Variants in PRMT8 observed in about 807,000 individuals in gnomAD.
The protein encoded by PRMT8 is protein arginine methyltransferase 8.
PRMT8 carries 7 observed loss-of-function variants against 47.1 expected under a neutral mutation model. The observed-to-expected ratio is 0.15, with a 90% confidence interval of 0.08 to 0.28. The LOEUF (loss-of-function observed/expected upper bound fraction) is 0.28. Ranked by LOEUF, PRMT8 falls within the 10% of genes least tolerant of loss-of-function variation. The pLI, the probability that PRMT8 is intolerant of heterozygous loss-of-function variation, is 1.00. For missense variants in PRMT8, 237 were observed against 505.4 expected (o/e 0.47, Z 5.09); for synonymous variants, 188 against 186.5 (o/e 1.01, Z -0.07).
At chr12:3,437,634 AT>A (rs1864758769) in intron 1 of PRMT8, among the ~76,000 whole-genome samples, 11 of 150,052 alleles carry the variant, frequency 7.3e-5, no homozygotes, top group Non-Finnish European at 1.0e-4. Flanking sequence ...ATATATATAT[AT>A]ATATATATAT....
At chr12:3,559,964 C>T (rs2137191950) in intron 4 of PRMT8, among the ~76,000 whole-genome samples, 1 of 152,304 alleles carries the variant, frequency 6.6e-6, no homozygotes, top group East Asian at 1.9e-4. Flanking sequence ...AGAGTGCAAA[C>T]CTTTGTCCCC....
intron 1 of PRMT8, among the ~76,000 whole-genome samples, chr12:3,389,370 C>T (rs1042674335): frequency 2.6e-5 from 4 of 152,158 alleles, no homozygotes; most frequent in East Asian, 1.9e-4. Context: ...GTTACATTCT[C>T]GTCCAGCCCT....
At chr12:3,471,021 C>T (rs1865156248) in intron 1 of PRMT8, among the ~76,000 whole-genome samples, 1 of 152,176 alleles carries the variant, frequency 6.6e-6, no homozygotes, top group African/African-American at 2.4e-5. Context: ...GAGATGGTGA[C>T]ACGTGTCTAA....
rs1321883141 is a variant in PRMT8, at chr12:3,580,004, CTG to C, written c.828+3019_828+3020del. ...GCTGGGCTCTGGGGAGTCAGGGTAA[CTG>C]GGGCTGATTTGGTTGGGGGTTGGGG... On this transcript the variant is annotated intron_variant, in intron 7 of 9. Transcript: ENST00000382622. The surrounding 1 kb of genome is among the most constrained non-coding windows in gnomAD (Gnocchi z 4.6). Among the ~76,000 whole-genome samples the C allele has an allele frequency of 6.6e-6, 1 of 152,006 alleles. No individual in the cohort carries two copies. Among genetic ancestry groups the C allele is most frequent in the Non-Finnish European group, 1.5e-5 (1 of 67,996 alleles).
At chr12:3,452,352 C>T (rs757350715) in intron 1 of PRMT8, among the ~76,000 whole-genome samples, 8 of 152,048 alleles carry the variant, frequency 5.3e-5, no homozygotes, top group Non-Finnish European at 4.4e-5. Flanking sequence ...CACACACACC[C>T]CACAAGGAGA....
chr12:3,417,446 C>T (rs1370340780), intron 1 of PRMT8, among the ~76,000 whole-genome samples: 1 of 152,160 alleles, frequency 6.6e-6, no homozygotes, highest in African/African-American at 2.4e-5. Flanking sequence ...GTCCAGCTCT[C>T]ATGTTATTCA....
intron 1 of PRMT8, among the ~76,000 whole-genome samples, chr12:3,525,149 G>C (rs1865934137): frequency 6.6e-6 from 1 of 152,194 alleles, no homozygotes; most frequent in South Asian, 2.1e-4. Flanking sequence ...TTGAACCTGG[G>C]AGGCAGAGAT....
At chr12:3,414,748 G>C (rs1005771319) in intron 1 of PRMT8, among the ~76,000 whole-genome samples, 3 of 152,078 alleles carry the variant, frequency 2.0e-5, no homozygotes, top group Non-Finnish European at 4.4e-5. Context: ...GATGGTGTGG[G>C]AAGAAGGTGA....
In PRMT8 at chr12:3,492,374, C is replaced by T. The variant is rs187395984; in HGVS notation, c.75+674C>T. Reference sequence around the variant, plus strand: ...GGCAGGGCACACGGGCCGCGGCCACCTTCAGCACCAGGGACAGCGTCCGCC... The same window carrying T: ...GGCAGGGCACACGGGCCGCGGCCACTTTCAGCACCAGGGACAGCGTCCGCC... On this transcript the variant is annotated intron_variant, in intron 1 of 9. Transcript: ENST00000382622. This position sits in a 1 kb window ranked among gnomAD's most constrained non-coding sequence, Gnocchi z 7.5. 3.6e-3 allele frequency among the ~76,000 whole-genome samples: 549 copies of T among 152,270 alleles called. 3 individuals are homozygous for T. The highest frequency in any genetic ancestry group is 0.012 in the African/African-American group (506 of 41,556).
At chr12:3,554,329 G>T (rs148892983) in intron 4 of PRMT8, among the ~76,000 whole-genome samples, 1 of 152,342 alleles carries the variant, frequency 6.6e-6, no homozygotes, top group Non-Finnish European at 1.5e-5. Context: ...AGACCCGCAA[G>T]GGTCCCTGAT....
chr12:3,437,612 T>A (rs991408135), intron 1 of PRMT8, among the ~76,000 whole-genome samples: 1 of 112,826 alleles, frequency 8.9e-6, no homozygotes, highest in Non-Finnish European at 1.8e-5. Flanking sequence ...CTTTCTGGTG[T>A]GCATTCAGGC....
In PRMT8 at chr12:3,456,194, C is replaced by G. The variant is rs955853941; in HGVS notation, c.48+74752C>G. On this transcript the variant is annotated intron_variant, in intron 1 of 9. Coordinates refer to the PRMT8 transcript ENST00000452611. The surrounding 1 kb of genome is among the most constrained non-coding windows in gnomAD (Gnocchi z 4.2). ...CGATGACCACATCCAAGTACGCCAG[C>G]GCTGGCACACCAAGCGCCACCTTTG... Among the ~76,000 whole-genome samples, 1 of 152,230 alleles carries G rather than the reference C, an allele frequency of 6.6e-6. No homozygotes were observed. Among genetic ancestry groups the G allele is most frequent in the African/African-American group, 2.4e-5 (1 of 41,458 alleles).
rs1864400999 is a variant in PRMT8, at chr12:3,409,051, C to T, written c.48+27609C>T. 6.6e-6 allele frequency among the ~76,000 whole-genome samples: 1 copy of T among 152,050 alleles called. No individual in the cohort carries two copies. Among genetic ancestry groups the T allele is most frequent in the South Asian group, 2.1e-4 (1 of 4,828 alleles). ...GGTGCTGGGTTCTGGGGTGCAGGTG[C>T]TCAGAGTGGCTGTAAAGCCCAAGTC... On this transcript the variant is annotated intron_variant, in intron 1 of 9. Transcript: ENST00000452611. The surrounding 1 kb of genome is among the most constrained non-coding windows in gnomAD (Gnocchi z 4.4).
At chr12:3,589,649 A>G (rs1182566293) in intron 8 of PRMT8, among the ~76,000 whole-genome samples, 3 of 152,224 alleles carry the variant, frequency 2.0e-5, no homozygotes, top group South Asian at 2.1e-4. Context: ...ACTGGTTTAG[A>G]CAATTACTCC....
intron 6 of PRMT8, among the ~76,000 whole-genome samples, chr12:3,575,515 A>G (rs1271253388): frequency 2.0e-5 from 3 of 152,208 alleles, no homozygotes; most frequent in African/African-American, 7.2e-5. Context: ...CGGCTGGGCC[A>G]TGGCAGGTGA....
At position 3,508,842 on chromosome 12, in the gene PRMT8, C is replaced by T. The variant is rs886198979; in HGVS notation, c.75+17142C>T. Among the ~76,000 whole-genome samples, 4 of 152,210 alleles carry T rather than the reference C, an allele frequency of 2.6e-5. No homozygotes were observed. Among genetic ancestry groups the T allele is most frequent in the African/African-American group, 7.2e-5 (3 of 41,454 alleles). ...GCTGGGTTGCCTCCGGAGTCCTGCC[C>T]TCTTCCCAGCTCCTGCCATTCTCAC... On this transcript the variant is annotated intron_variant, in intron 1 of 9. Coordinates refer to ENST00000382622, the MANE Select transcript of PRMT8 (RefSeq NM_019854.5). The surrounding 1 kb of genome is among the most constrained non-coding windows in gnomAD (Gnocchi z 4.9).
At chr12:3,481,330 G>C (rs183678318) in intron 1 of PRMT8, among the ~76,000 whole-genome samples, 1 of 152,324 alleles carries the variant, frequency 6.6e-6, no homozygotes, top group Admixed American at 6.5e-5. Flanking sequence ...TTATTATCCT[G>C]TGAGTGGAAG....
chr12:3,480,365 A>T (rs1196962510), intron 1 of PRMT8, among the ~76,000 whole-genome samples: 1 of 152,196 alleles, frequency 6.6e-6, no homozygotes, highest in Non-Finnish European at 1.5e-5. Flanking sequence ...TGTTCCAAGA[A>T]CTGGGGACAG....
At chr12:3,549,198 C>A (rs969030421) in intron 2 of PRMT8, among the ~76,000 whole-genome samples, 1 of 152,164 alleles carries the variant, frequency 6.6e-6, no homozygotes, top group African/African-American at 2.4e-5. Context: ...GTGGTGCTTA[C>A]ACAGGTATAC....
Sources: allele counts gnomAD v4.1 joint callset (sites outside exome capture counted in the v4.1 genomes callset), GRCh38; gene constraint gnomAD v4.1.1; non-coding constraint Gnocchi (gnomAD v3.1); transcripts MANE v1.5; gene names NCBI Gene and HGNC (gene_info 2026-07-23, HGNC 2026-07-21).